MYO5C: variants seen among roughly 807,000 people sequenced by gnomAD.
MYO5C encodes the protein myosin VC, also known as unconventional myosin-Vc.
A neutral mutation model predicts 235.7 loss-of-function variants in MYO5C; 194 were observed. That is an observed-to-expected ratio of 0.82 (90% CI 0.73 to 0.93). MYO5C has a LOEUF of 0.93. Ranked by LOEUF, MYO5C falls within the 40% of genes least tolerant of loss-of-function variation. The pLI, the probability that MYO5C is intolerant of heterozygous loss-of-function variation, is 0.00. For synonymous variants in MYO5C, 707 were observed against 754.8 expected (o/e 0.94, Z 1.04); for missense variants, 2,038 against 2,127.2 (o/e 0.96, Z 0.82).
intron 4 of MYO5C, 60 bp downstream of exon 4, chr15:52,278,813 T>C: frequency 6.3e-7 from 1 of 1,593,296 alleles, no homozygotes; most frequent in Non-Finnish European, 8.6e-7. Context: ...ACTGTGATGG[T>C]CTGGCAAATG....
chr15:52,245,323 G>T, intron 18 of MYO5C, 31 bp downstream of exon 18: 1 of 1,394,342 alleles, frequency 7.2e-7, no homozygotes, highest in South Asian at 1.2e-5. Flanking sequence ...CCAGGAAGGA[G>T]ACCATGATCC....
rs563883598 is a variant in MYO5C, at chr15:52,257,477, A to G, written c.1314-757T>C. 4.6e-5 allele frequency among the ~76,000 whole-genome samples: 7 copies of G among 152,336 alleles called. No individual in the cohort carries two copies. In the East Asian group the frequency reaches 1.4e-3, roughly 29 times the overall value. ...GATGTTAGATTAATTGATTCTTAAG[A>G]AAAGTCAGAAAACTGGGACTTTTAA... On this transcript the variant is annotated intron_variant, in intron 10 of 40. Coordinates refer to ENST00000261839, the MANE Select transcript of MYO5C (RefSeq NM_018728.4).
chr15:52,212,500 C>T (rs2035466031), intron 34 of MYO5C, among the ~76,000 whole-genome samples: 1 of 152,156 alleles, frequency 6.6e-6, no homozygotes, highest in Non-Finnish European at 1.5e-5. Flanking sequence ...TAGAGGTGCT[C>T]ATATGAGCCA....
rs559524295 is a variant in MYO5C, at chr15:52,294,201, A to G, written c.27+1409T>C. Among the ~76,000 whole-genome samples, 8 of 152,388 alleles carry G rather than the reference A, an allele frequency of 5.2e-5. No homozygotes were observed. The East Asian group carries it at 1.3e-3, about 26-fold the overall frequency. On this transcript the variant is annotated intron_variant, in intron 1 of 40. Transcript: ENST00000261839. The stretch of plus-strand genomic sequence containing the variant: ...CACCTGTGTGTTTCTGCTTCTGGAA[A>G]TACTGTCACCTCAAATAGGTTCAGC...
intron 24 of MYO5C, among the ~76,000 whole-genome samples, chr15:52,231,436 C>A (rs1236164404): frequency 6.6e-6 from 1 of 152,224 alleles, no homozygotes; most frequent in African/African-American, 2.4e-5. Flanking sequence ...GAAATGATCA[C>A]TCCCAAGTGG....
In MYO5C at chr15:52,193,589, C is replaced by T; in HGVS notation, c.*313G>A. 3 of 239,088 alleles carry T rather than the reference C, an allele frequency of 1.3e-5. No individual in the cohort carries two copies. The highest frequency in any genetic ancestry group is 1.6e-5 in the Non-Finnish European group (2 of 126,096). 14.8% of individuals were successfully genotyped at this position (239,088 alleles called of 1,614,324 possible). On this transcript the variant is annotated 3_prime_UTR_variant, in exon 41 of 41. Transcript: ENST00000261839. ...CAGATCTCACTCCCTCCTGGTAGAG[C>T]CCTGCCACAAGACAGAACAGATCAA... is the stretch of plus-strand genomic sequence containing the variant.
At chr15:52,272,842 G>C (rs2036956175) in intron 5 of MYO5C, 119 bp from the exon 6 acceptor site, 1 of 936,582 alleles carries the variant, frequency 1.1e-6, no homozygotes. Context: ...GATTGGCAGA[G>C]GGAAGTCTGG....
rs765346294 is a variant in MYO5C at position 52,208,550 on chromosome 15, CT to C, written c.4386+3del. 2 of 1,613,744 alleles carry C rather than the reference CT, an allele frequency of 1.2e-6. No homozygotes were observed. Among genetic ancestry groups the C allele is most frequent in the Non-Finnish European group, 1.7e-6 (2 of 1,179,770 alleles). ...AAAACAACAAGCAGGTGGGCGCCCC[CT>C]ACCTCTTCTCCGCTGTACTGCTTCA... is the stretch of plus-strand genomic sequence containing the variant. On this transcript the variant is annotated splice_donor_region_variant and intron_variant, in intron 36 of 40. Transcript: ENST00000261839.
intron 1 of MYO5C, among the ~76,000 whole-genome samples, chr15:52,291,305 T>C (rs1437496390): frequency 1.3e-5 from 2 of 152,120 alleles, no homozygotes; most frequent in African/African-American, 2.4e-5. Context: ...GTCAGAGAAA[T>C]GGTTGGTGGC....
Position 52,237,535 on chromosome 15 carries a change from G to C in MYO5C, c.2815C>G (p.His939Asp), listed in dbSNP as rs764277958. Residue 939 changes from histidine to aspartate, a missense_variant, in exon 22 of 41, where the codon CAC (histidine) becomes GAC (aspartate). Physicochemically the swap from His to Asp is moderately conservative, Grantham distance 81. Transcript: ENST00000261839. ...CCCTTCTCCTCGTAATTTCGCCTGT[G>C]AGTGGCTGCTTTTTCTAGTTCTGCT... ...LEAELEKAAT[H>D]RRNYEEKGKR... The C allele has an allele frequency of 6.2e-7, 1 of 1,614,152 alleles. No individual in the cohort carries two copies. The highest frequency in any genetic ancestry group is 1.3e-5 in the African/African-American group (1 of 75,044).
intron 1 of MYO5C, among the ~76,000 whole-genome samples, chr15:52,289,757 C>A (rs28714155): frequency 0.19 from 28,273 of 152,146 alleles, 2,847 homozygotes; most frequent in African/African-American, 0.26. Flanking sequence ...AAGAGAAAAG[C>A]TTTGAAAATC....
At chr15:52,226,875 C>T (rs921438056) in intron 25 of MYO5C, among the ~76,000 whole-genome samples, 5 of 152,112 alleles carry the variant, frequency 3.3e-5, no homozygotes, top group African/African-American at 7.2e-5. Flanking sequence ...AGGCTGGGCA[C>T]GGTGGCTCAC....
chr15:52,218,490 C>T (rs778978013), intron 32 of MYO5C, 29 bp downstream of exon 32: 12 of 1,610,530 alleles, frequency 7.5e-6, no homozygotes, highest in Non-Finnish European at 9.3e-6. Context: ...CACAGACAGT[C>T]TTTATCACCA....
At chr15:52,285,313 A>G (rs1448961606) in intron 1 of MYO5C, among the ~76,000 whole-genome samples, 32 of 147,520 alleles carry the variant, frequency 2.2e-4, no homozygotes, top group Admixed American at 2.2e-3. Flanking sequence ...GGTTGCAGTG[A>G]GCCGAGATCG....
chr15:52,224,484 G>A (rs117128185), intron 28 of MYO5C, among the ~76,000 whole-genome samples: 3,725 of 152,246 alleles, frequency 0.024, 84 homozygotes, highest in Non-Finnish European at 0.032. Context: ...TGACAGTGGG[G>A]GAGGTTGTGT....
chr15:52,200,029 T>G (rs907795170), intron 38 of MYO5C, among the ~76,000 whole-genome samples: 1 of 152,194 alleles, frequency 6.6e-6, no homozygotes, highest in Non-Finnish European at 1.5e-5. Context: ...AGCCCACGCA[T>G]GAATCTGACC....
intron 32 of MYO5C, among the ~76,000 whole-genome samples, chr15:52,215,254 G>C (rs980161219): frequency 1.3e-5 from 2 of 152,236 alleles, no homozygotes; most frequent in Non-Finnish European, 2.9e-5. Flanking sequence ...TGGAGCTAGA[G>C]AAATGTTCAG....
intron 24 of MYO5C, among the ~76,000 whole-genome samples, chr15:52,232,135 A>AAAG (rs1338273815): frequency 9.4e-6 from 1 of 106,842 alleles, no homozygotes; most frequent in African/African-American, 2.8e-5. Context: ...AAAAGAAAGA[A>AAAG]AAGGAGAGGA....
At chr15:52,278,142 G>A (rs2037091018) in intron 4 of MYO5C, 1 of 351,112 alleles carries the variant, frequency 2.8e-6, no homozygotes, top group African/African-American at 2.2e-5. Context: ...ACAAAGATAG[G>A]GTGGTGTTTC....
Sources: gnomAD v4.1 joint callset for allele counts (sites outside exome capture counted in the v4.1 genomes callset) on GRCh38, gnomAD v4.1.1 for gene constraint, MANE v1.5 for transcripts, NCBI Gene and HGNC (gene_info 2026-07-23, HGNC 2026-07-21) for gene names.